The following IMPACT variants were observed in gnomAD, a reference collection of about 807,000 sequenced individuals.
IMPACT encodes the protein protein IMPACT.
Under a neutral mutation model 47.5 loss-of-function variants are expected in IMPACT, and 35 were observed. That is an observed-to-expected ratio of 0.74 (90% CI 0.56 to 0.98). The LOEUF (loss-of-function observed/expected upper bound fraction) is 0.98, where lower values mean the gene tolerates loss of function less well. IMPACT is among the 50% of genes least tolerant of loss of function. The pLI is 0.00. For missense variants in IMPACT, 373 were observed against 394.8 expected, an observed-to-expected ratio of 0.94 and a Z score of 0.47; for synonymous variants, 118 against 125.6, an observed-to-expected ratio of 0.94 and a Z score of 0.40.
intron 7 of IMPACT, among the ~76,000 whole-genome samples, chr18:24,444,458 A>T (rs1224036723): frequency 6.6e-6 from 1 of 152,178 alleles, no homozygotes; most frequent in African/African-American, 2.4e-5. Flanking sequence ...TGCCATTACA[A>T]CATCCCTGAA....
Position 24,452,546 on chromosome 18 carries a change from A to G in IMPACT, c.*1699A>G, listed in dbSNP as rs1175731029. 6.6e-6 allele frequency: 1 copy of G among 152,162 alleles called. No individual in the cohort carries two copies. The highest frequency in any genetic ancestry group is 2.4e-5 in the African/African-American group (1 of 41,436). 9.4% of individuals were successfully genotyped at this position (152,162 alleles called of 1,614,324 possible). A position where few individuals can be genotyped will look rare whatever the true frequency, so the allele number is the denominator to read the frequency against. On this transcript the variant is annotated 3_prime_UTR_variant, in exon 11 of 11. Transcript: ENST00000284202. Reference sequence around the variant, plus strand: ...TCCTTTATACAGAATTATTAACTATATTTTACTAACTAAAAAACTCTAGTA... The same window carrying G: ...TCCTTTATACAGAATTATTAACTATGTTTTACTAACTAAAAAACTCTAGTA...
In IMPACT at chr18:24,450,785, T is replaced by C. The variant is rs1909365110; in HGVS notation, c.901T>C (p.Ser301Pro). The change falls in exon 11 of 11, where the codon TCA becomes CCA. Residue 301 changes from serine to proline, a missense_variant. Ser to Pro is a moderately conservative substitution (Grantham distance 74, BLOSUM62 -1). Coordinates refer to ENST00000284202, the MANE Select transcript of IMPACT (RefSeq NM_018439.4). ...TGATTTGTGTCTTTTTCAGGAGGAG[T>C]CATCTAAGGCTTTGGGAAAGAACAA... The part of the protein sequence containing the change: ...EKNYTNSPEE[S>P]SKALGKNKKV... The C allele has an allele frequency of 2.5e-6, 4 of 1,607,340 alleles. No individual in the cohort carries two copies. The East Asian group carries it at 8.9e-5, about 36-fold the overall frequency.
chr18:24,445,268 A>G (rs544805665), intron 7 of IMPACT, 125 bp from the exon 8 acceptor site: 1 of 504,668 alleles, frequency 2.0e-6, no homozygotes, highest in South Asian at 4.4e-5. Flanking sequence ...TGACTTTTTC[A>G]GAGTATAGTA....
chr18:24,440,089 T>A (rs1235665929), intron 5 of IMPACT, among the ~76,000 whole-genome samples: 1 of 152,220 alleles, frequency 6.6e-6, no homozygotes, highest in Non-Finnish European at 1.5e-5. Flanking sequence ...GAGGAAGGGA[T>A]GTCTCTTCCC....
At chr18:24,427,721 C>T (rs1180469082) in intron 1 of IMPACT, 198 bp from the exon 2 acceptor site, 1 of 528,908 alleles carries the variant, frequency 1.9e-6, no homozygotes, top group African/African-American at 2.0e-5. Flanking sequence ...TGGCTCCAGT[C>T]ATTGCAGTAG....
At chr18:24,428,815 T>G (rs1437177236) in intron 2 of IMPACT, 54 bp from the exon 3 acceptor site, 1 of 1,381,168 alleles carries the variant, frequency 7.2e-7, no homozygotes, top group African/African-American at 1.5e-5. Context: ...ATAAATATGG[T>G]TACTTTTGAA....
chr18:24,445,750 CTTAA>C (rs1909234818), intron 8 of IMPACT, among the ~76,000 whole-genome samples: 2 of 151,828 alleles, frequency 1.3e-5, no homozygotes, highest in South Asian at 2.1e-4. Flanking sequence ...CTGTTTTTTT[CTTAA>C]TTAAACAAAA....
chr18:24,440,695 A>G (rs1909085931), intron 6 of IMPACT, 77 bp downstream of exon 6: 2 of 1,256,312 alleles, frequency 1.6e-6, no homozygotes, highest in Admixed American at 3.0e-5. Flanking sequence ...GATGATAGAG[A>G]AATTTACTAA....
intron 4 of IMPACT, 80 bp downstream of exon 4, chr18:24,430,464 T>A: frequency 1.0e-6 from 1 of 1,004,934 alleles, no homozygotes; most frequent in Non-Finnish European, 1.5e-6. Flanking sequence ...AACCCTTTGT[T>A]AGAACCTCTC....
At chr18:24,449,733 A>G in intron 9 of IMPACT, 86 bp from the exon 10 acceptor site, 1 of 1,246,770 alleles carries the variant, frequency 8.0e-7, no homozygotes, top group Non-Finnish European at 1.1e-6. Context: ...GCAATTTTAT[A>G]CATGGGTTAT....
Position 24,443,063 on chromosome 18 carries a change from G to T in IMPACT, c.505G>T (p.Glu169Ter). ...TACATTTCTAGAAGTAGAAGTAGAA[G>T]AATTACCTCCGATTGATCATGGCAT... ...SETRTEVEVEELPPIDHGIPI... is the reference protein window; with the variant it reads ...SETRTEVEVE Residue 169 changes from glutamate (E) to a stop codon, truncating the protein, a stop_gained, in exon 7 of 11, where the codon GAA (glutamate) becomes TAA (stop). Coordinates refer to ENST00000284202, the MANE Select transcript of IMPACT (RefSeq NM_018439.4). LOFTEE classifies it high-confidence loss of function. The T allele has an allele frequency of 6.3e-7, 1 of 1,579,132 alleles. No homozygotes were observed. Among genetic ancestry groups the T allele is most frequent in the Non-Finnish European group, 8.7e-7 (1 of 1,154,920 alleles).
rs1909369465 is a variant in IMPACT at position 24,450,972 on chromosome 18, C to A, written c.*125C>A. ...AAGTCAGCCAGTTCAGCATGGATACCAACATTAGCTTTTCTTCTTGGTTAT... is the reference window on the plus strand; with the variant it reads ...AAGTCAGCCAGTTCAGCATGGATACAAACATTAGCTTTTCTTCTTGGTTAT... On this transcript the variant is annotated 3_prime_UTR_variant, in exon 11 of 11. Coordinates refer to ENST00000284202, the MANE Select transcript of IMPACT (RefSeq NM_018439.4). The A allele has an allele frequency of 7.5e-6, 4 of 533,596 alleles. No individual in the cohort carries two copies. The East Asian group carries it at 1.2e-4, about 17-fold the overall frequency. The allele number at this position is 533,596 out of a possible 1,614,324, so 33.1% of individuals were successfully genotyped here. A position where few individuals can be genotyped will look rare whatever the true frequency, so the allele number is the denominator to read the frequency against.
intron 4 of IMPACT, among the ~76,000 whole-genome samples, chr18:24,435,159 G>A (rs572788420): frequency 6.6e-6 from 1 of 151,770 alleles, no homozygotes; most frequent in Non-Finnish European, 1.5e-5. Flanking sequence ...TTGTAAAGAA[G>A]GGGTCTTGCT....
intron 3 of IMPACT, chr18:24,429,645 A>G (rs1403916075): frequency 6.6e-6 from 1 of 151,964 alleles, no homozygotes; most frequent in Non-Finnish European, 1.5e-5. Context: ...ATTTGTACCT[A>G]TTAGTTTTTT....
Position 24,440,637 on chromosome 18 carries a change from AT to A in IMPACT, c.490+22del. 1.3e-6 allele frequency: 2 copies of A among 1,588,062 alleles called. No individual in the cohort carries two copies. The highest frequency in any genetic ancestry group is 1.7e-6 in the Non-Finnish European group (2 of 1,169,166). On this transcript the variant is annotated intron_variant, in intron 6 of 10. Transcript: ENST00000284202. ...CGGACAGGTATAATGTTACTAACTA[AT>A]TTCTTTTGAGGAGAGTGGGTTGGTA... is the stretch of plus-strand genomic sequence containing the variant.
rs1908615961 is a variant in IMPACT, at chr18:24,426,721, G to A, written c.-36G>A. 1 of 1,243,742 alleles carries A rather than the reference G, an allele frequency of 8.0e-7. No homozygotes were observed. Among genetic ancestry groups the A allele is most frequent in the African/African-American group, 1.6e-5 (1 of 64,484 alleles). 77.0% of individuals were successfully genotyped at this position (1,243,742 alleles called of 1,614,324 possible). A position where few individuals can be genotyped will look rare whatever the true frequency, so the allele number is the denominator to read the frequency against. ...CGCCCCGCCCCCGCGCTCCGGACCT[G>A]GCAGGCGGCGGCTGCAGGGCAGGTC... On this transcript the variant is annotated 5_prime_UTR_variant, in exon 1 of 11. Coordinates refer to ENST00000284202, the MANE Select transcript of IMPACT (RefSeq NM_018439.4).
chr18:24,426,709 C>T lies in IMPACT; in HGVS notation c.-48C>T, dbSNP rs1157028637. On this transcript the variant is annotated 5_prime_UTR_variant, in exon 1 of 11. Coordinates refer to ENST00000284202, the MANE Select transcript of IMPACT (RefSeq NM_018439.4). ...TCGCAGCCGCAGCGCCCCGCCCCCG[C>T]GCTCCGGACCTGGCAGGCGGCGGCT... 4.1e-6 allele frequency: 5 copies of T among 1,233,558 alleles called. No homozygotes were observed. Among genetic ancestry groups the T allele is most frequent in the Non-Finnish European group, 5.1e-6 (5 of 985,582 alleles). 76.4% of individuals were successfully genotyped at this position (1,233,558 alleles called of 1,614,324 possible).
chr18:24,431,885 A>G (rs564998122), intron 4 of IMPACT, among the ~76,000 whole-genome samples: 1 of 152,270 alleles, frequency 6.6e-6, no homozygotes, highest in South Asian at 2.1e-4. Flanking sequence ...TATTTTTAGT[A>G]GAGGCGGAGT....
At chr18:24,428,069 C>G in intron 2 of IMPACT, 22 bp downstream of exon 2, 6 of 1,558,752 alleles carry the variant, frequency 3.8e-6, no homozygotes, top group Non-Finnish European at 5.2e-6. Flanking sequence ...CCCTTCCTTG[C>G]AGCCATCTTT....
Sources: gnomAD v4.1 joint callset for allele counts (sites outside exome capture counted in the v4.1 genomes callset) on GRCh38, gnomAD v4.1.1 for gene constraint, MANE v1.5 for transcripts, NCBI Gene and HGNC (gene_info 2026-07-23, HGNC 2026-07-21) for gene names.